Variants in AATF observed in about 807,000 individuals in gnomAD.
AATF encodes the protein protein AATF.
In AATF, 48 loss-of-function variants were observed where a neutral mutation model predicts 63.7. That is an observed-to-expected ratio of 0.75 (90% CI 0.60 to 0.96). The LOEUF (loss-of-function observed/expected upper bound fraction) is 0.96, where lower values mean the gene tolerates loss of function less well. Ranked by LOEUF, AATF falls within the 40% of genes least tolerant of loss-of-function variation. The pLI is 0.00. For missense variants in AATF, 639 were observed against 685.7 expected (o/e 0.93, Z 0.76); for synonymous variants, 258 against 247.7 (o/e 1.04, Z -0.39).
chr17:37,004,380 A>G lies in AATF; in HGVS notation c.1398+13523A>G, dbSNP rs919754432. 2.6e-5 allele frequency among the ~76,000 whole-genome samples: 4 copies of G among 152,176 alleles called. No individual in the cohort carries two copies. The East Asian group carries it at 7.7e-4, about 29-fold the overall frequency. On this transcript the variant is annotated intron_variant, in intron 8 of 11. Coordinates refer to ENST00000619387, the MANE Select transcript of AATF (RefSeq NM_012138.4). ...TAAATTGGAGACAGTGAGTATAGACAGCTTTGAGGAGGTTTGCTGTAATGG... is the reference window on the plus strand; with the variant it reads ...TAAATTGGAGACAGTGAGTATAGACGGCTTTGAGGAGGTTTGCTGTAATGG...
intron 5 of AATF, among the ~76,000 whole-genome samples, chr17:36,988,213 A>G (rs2071183849): frequency 6.6e-6 from 1 of 152,134 alleles, no homozygotes; most frequent in Non-Finnish European, 1.5e-5. Context: ...GCTACCCATG[A>G]GGCTGAGGCA....
intron 11 of AATF, among the ~76,000 whole-genome samples, chr17:37,039,290 C>T (rs902722480): frequency 2.6e-5 from 4 of 152,274 alleles, no homozygotes; most frequent in African/African-American, 4.8e-5. Context: ...TCTGAGGCTT[C>T]GTATCTCCTA....
At chr17:37,009,298 A>ATTT (rs34957243) in intron 8 of AATF, among the ~76,000 whole-genome samples, 7 of 128,618 alleles carry the variant, frequency 5.4e-5, no homozygotes, top group African/African-American at 2.1e-4. Context: ...TGCCCGGCTA[A>ATTT]TTTTTTTTTT....
chr17:37,000,972 A>G (rs963396416), intron 8 of AATF, among the ~76,000 whole-genome samples: 3 of 152,038 alleles, frequency 2.0e-5, no homozygotes, highest in Non-Finnish European at 4.4e-5. Flanking sequence ...CCCACAAAAA[A>G]AAGGTAAATT....
chr17:36,960,440 T>C (rs947106134), intron 4 of AATF, among the ~76,000 whole-genome samples: 1 of 152,036 alleles, frequency 6.6e-6, no homozygotes, highest in Non-Finnish European at 1.5e-5. Context: ...AAGTTTTACT[T>C]ATTTTTAAGT....
intron 4 of AATF, among the ~76,000 whole-genome samples, chr17:36,976,946 T>C (rs952299283): frequency 2.0e-5 from 3 of 152,176 alleles, no homozygotes; most frequent in African/African-American, 7.2e-5. Context: ...TCTGGCAAAA[T>C]GGTTTTGAGA....
At position 36,950,338 on chromosome 17, in the gene AATF, CG is replaced by C. The variant is rs2070844356; in HGVS notation, c.218del (p.Gly73AlafsTer137). The C allele has an allele frequency of 6.2e-7, 1 of 1,613,994 alleles. No individual in the cohort carries two copies. Among genetic ancestry groups the C allele is most frequent in the African/African-American group, 1.3e-5 (1 of 74,878 alleles). On this transcript the variant is annotated frameshift_variant, in exon 2 of 12. Transcript: ENST00000619387. LOFTEE classifies it high-confidence loss of function. ...SLLDTDKRYC[G>X]KTTSRKAWNE... ...TCTTGGACACGGACAAAAGGTATTGCGGCAAAACCACCTCTAGAAAAGCATG... is the reference window on the plus strand; with the variant it reads ...TCTTGGACACGGACAAAAGGTATTGCGCAAAACCACCTCTAGAAAAGCATG...
At chr17:37,048,628 C>A (rs1402431803) in intron 11 of AATF, among the ~76,000 whole-genome samples, 1 of 152,132 alleles carries the variant, frequency 6.6e-6, no homozygotes, top group Non-Finnish European at 1.5e-5. Context: ...ACCTTGGCCT[C>A]CCAAAGTTCT....
chr17:36,978,536 T>TA (rs892307539), intron 4 of AATF, among the ~76,000 whole-genome samples: 44 of 149,590 alleles, frequency 2.9e-4, no homozygotes, highest in African/African-American at 7.1e-4. Context: ...TTTTGTACCA[T>TA]AAAAAAAAAA....
rs71368439 is a variant in AATF at position 37,046,730 on chromosome 17, A to ACAC, written c.1620-9871_1620-9870insCAC. Among the ~76,000 whole-genome samples, 15 of 140,056 alleles carry ACAC rather than the reference A, an allele frequency of 1.1e-4. 1 individual carries two copies. The highest frequency in any genetic ancestry group is 3.6e-3 in the Middle Eastern group (1 of 274). The allele number at this position is 140,056 out of a possible 152,430, so 91.9% of individuals were successfully genotyped here. On this transcript the variant is annotated intron_variant, in intron 11 of 11. Coordinates refer to ENST00000619387, the MANE Select transcript of AATF (RefSeq NM_012138.4). The stretch of plus-strand genomic sequence containing the variant: ...TGAGCGATGCATCCTGTGCTCCCCC[A>ACAC]ACACACACACACACACACACACACA...
At chr17:36,949,884 C>G (rs1055984935) in intron 1 of AATF, among the ~76,000 whole-genome samples, 1 of 152,142 alleles carries the variant, frequency 6.6e-6, no homozygotes, top group Non-Finnish European at 1.5e-5. Context: ...AAGAAAACTC[C>G]CCAAAGAATG....
chr17:36,951,353 A>G (rs1435984222), intron 2 of AATF, among the ~76,000 whole-genome samples: 2 of 152,178 alleles, frequency 1.3e-5, no homozygotes, highest in African/African-American at 4.8e-5. Flanking sequence ...CAAATATGAT[A>G]ATATTTATTG....
In AATF at chr17:36,989,385, G is replaced by C. The variant is rs374739235; in HGVS notation, c.1288G>C (p.Val430Leu). Residue 430 changes from valine (V) to leucine (L), a missense_variant, in exon 7 of 12, where the codon GTC becomes CTC. Coordinates refer to ENST00000619387, the MANE Select transcript of AATF (RefSeq NM_012138.4). The stretch of plus-strand genomic sequence containing the variant: ...CAAACCTGAGCCAGCAGCTCAGCCT[G>C]TCCCAGAGAGTTTGCCAGGGGAACC... ...LGKPEPAAQP[V>L]PESLPGEPEI... 3.7e-6 allele frequency: 6 copies of C among 1,612,898 alleles called. No homozygotes were observed. The African/African-American group carries it at 8.0e-5, about 22-fold the overall frequency.
At chr17:37,032,827 ATATT>A (rs2071562137) in intron 11 of AATF, among the ~76,000 whole-genome samples, 2 of 152,134 alleles carry the variant, frequency 1.3e-5, no homozygotes, top group African/African-American at 4.8e-5. Context: ...TATTGTTATA[ATATT>A]TATTTAGCCA....
At chr17:36,989,444 G>T in intron 7 of AATF, 33 bp downstream of exon 7, 8 of 1,553,498 alleles carry the variant, frequency 5.1e-6, no homozygotes, top group Non-Finnish European at 7.0e-6. Flanking sequence ...TGATTATGGG[G>T]AATAGTTTCT....
At chr17:37,035,143 GA>G (rs1309147275) in intron 11 of AATF, among the ~76,000 whole-genome samples, 1 of 151,270 alleles carries the variant, frequency 6.6e-6, no homozygotes, top group Non-Finnish European at 1.5e-5. Flanking sequence ...AATCAAAAAA[GA>G]AAAATTTCAA....
chr17:37,054,154 C>T (rs1483498494), intron 11 of AATF, among the ~76,000 whole-genome samples: 1 of 147,204 alleles, frequency 6.8e-6, no homozygotes, highest in Non-Finnish European at 1.5e-5. Flanking sequence ...CAAGCTGAAC[C>T]GCTGGAATCT....
chr17:37,014,249 C>G (rs2071413039), intron 8 of AATF, among the ~76,000 whole-genome samples: 1 of 147,968 alleles, frequency 6.8e-6, no homozygotes, highest in South Asian at 2.1e-4. Flanking sequence ...GCCTGGGTGA[C>G]AGAGCAAGAC....
intron 11 of AATF, among the ~76,000 whole-genome samples, chr17:37,040,181 C>G (rs892467753): frequency 6.6e-6 from 1 of 152,138 alleles, no homozygotes; most frequent in East Asian, 1.9e-4. Flanking sequence ...AAGTTACTTG[C>G]AAGCCGGTAG....
Sources: gnomAD v4.1 joint callset for allele counts (sites outside exome capture counted in the v4.1 genomes callset) on GRCh38, gnomAD v4.1.1 for gene constraint, MANE v1.5 for transcripts, NCBI Gene and HGNC (gene_info 2026-07-23, HGNC 2026-07-21) for gene names.